Variants in GAB1 observed in about 807,000 individuals in gnomAD.
GAB1 encodes GRB2-associated-binding protein 1.
Under a neutral mutation model 66.5 loss-of-function variants are expected in GAB1, and 19 were observed. That is an observed-to-expected ratio of 0.29 (90% CI 0.20 to 0.42). GAB1 has a LOEUF of 0.42. Ranked by LOEUF, GAB1 falls within the 10% of genes least tolerant of loss-of-function variation. The pLI is 1.00. For synonymous variants in GAB1, 294 were observed against 301.4 expected (o/e 0.98, Z 0.25); for missense variants, 732 against 858.5 (o/e 0.85, Z 1.84).
chr4:143,449,209 A>G (rs1578735303), intron 6 of GAB1, among the ~76,000 whole-genome samples: 2 of 150,808 alleles, frequency 1.3e-5, no homozygotes, highest in African/African-American at 4.9e-5. Flanking sequence ...TTTACTTCCA[A>G]CTATGTGGTC....
intron 2 of GAB1, among the ~76,000 whole-genome samples, chr4:143,416,407 CA>C (rs1175657725): frequency 6.7e-6 from 1 of 149,610 alleles, no homozygotes; most frequent in Non-Finnish European, 1.5e-5. Flanking sequence ...GACTCCGTCT[CA>C]AAAAAAAAGC....
intron 1 of GAB1, among the ~76,000 whole-genome samples, chr4:143,348,155 T>C (rs1729048961): frequency 1.3e-5 from 2 of 152,216 alleles, no homozygotes; most frequent in African/African-American, 2.4e-5. Context: ...TACTAACTTA[T>C]ACACAAACAT....
At chr4:143,453,673 T>G (rs1019323539) in intron 6 of GAB1, among the ~76,000 whole-genome samples, 1 of 152,172 alleles carries the variant, frequency 6.6e-6, no homozygotes, top group Non-Finnish European at 1.5e-5. Flanking sequence ...AGCAACGCAA[T>G]ACAAATACTC....
At chr4:143,426,367 T>C (rs1733357728) in intron 2 of GAB1, among the ~76,000 whole-genome samples, 1 of 152,010 alleles carries the variant, frequency 6.6e-6, no homozygotes, top group Non-Finnish European at 1.5e-5. Context: ...CTGGGCAACA[T>C]GGTGAGACAC....
chr4:143,410,375 G>A (rs763111066), intron 1 of GAB1, among the ~76,000 whole-genome samples: 18 of 152,126 alleles, frequency 1.2e-4, no homozygotes, highest in Non-Finnish European at 2.2e-4. Context: ...TGTTAGTAAC[G>A]TTACAGCCAT....
At chr4:143,437,490 C>T (rs1318053745) in intron 3 of GAB1, among the ~76,000 whole-genome samples, 3 of 152,188 alleles carry the variant, frequency 2.0e-5, no homozygotes, top group Admixed American at 2.0e-4. Context: ...ATGTTACCTT[C>T]TTGTAAGTCA....
At chr4:143,418,047 C>A (rs891500146) in intron 2 of GAB1, among the ~76,000 whole-genome samples, 1 of 152,208 alleles carries the variant, frequency 6.6e-6, no homozygotes, top group Non-Finnish European at 1.5e-5. Flanking sequence ...CAGTCAGCAG[C>A]CCTGGGGAAA....
rs1290205132 is a variant in GAB1 at position 143,443,119 on chromosome 4, C to T, written c.1585+2737C>T. 4.0e-5 allele frequency among the ~76,000 whole-genome samples: 6 copies of T among 151,316 alleles called. No individual in the cohort carries two copies. In the East Asian group the frequency reaches 9.8e-4, roughly 25 times the overall value. ...GCAAGCTCCGCCTCTGGGGTTCACG[C>T]CATTCTCCTGCCTCAGCTTCCCGAG... On this transcript the variant is annotated intron_variant, in intron 6 of 9. Transcript: ENST00000262994.
At chr4:143,400,968 CAA>C (rs774015122) in intron 1 of GAB1, among the ~76,000 whole-genome samples, 24 of 91,210 alleles carry the variant, frequency 2.6e-4, no homozygotes, top group Non-Finnish European at 3.3e-4. Flanking sequence ...GACTCCATCA[CAA>C]AAAAAAAAAA....
intron 2 of GAB1, chr4:143,425,051 A>C (rs1733258677): frequency 1.2e-6 from 1 of 856,146 alleles, no homozygotes; most frequent in African/African-American, 1.7e-5. Context: ...AAACTTTCAC[A>C]ATGTCCAGAG....
chr4:143,425,259 C>A, intron 2 of GAB1: 1 of 966,240 alleles, frequency 1.0e-6, no homozygotes, highest in Non-Finnish European at 1.7e-6. Flanking sequence ...CGTTGAAAAC[C>A]CTGCAGATGT....
chr4:143,415,072 C>A lies in GAB1; in HGVS notation c.73-405C>A, dbSNP rs28925892. 6.3e-3 allele frequency among the ~76,000 whole-genome samples: 962 copies of A among 152,176 alleles called. 12 individuals are homozygous for A. Among genetic ancestry groups the A allele is most frequent in the African/African-American group, 0.021 (853 of 41,534 alleles). ...ACTACCTCATATAAGTGGAATCATA[C>A]AATATTTGTCTTTTTATGACTGGCT... is the stretch of plus-strand genomic sequence containing the variant. On this transcript the variant is annotated intron_variant, in intron 1 of 9. Coordinates refer to ENST00000262994, the MANE Select transcript of GAB1 (RefSeq NM_002039.4).
chr4:143,388,448 T>C (rs913191740), intron 1 of GAB1, among the ~76,000 whole-genome samples: 23 of 152,310 alleles, frequency 1.5e-4, no homozygotes, highest in African/African-American at 5.5e-4. Flanking sequence ...AGAGTCTCGC[T>C]CTGTCGCCCA....
intron 1 of GAB1, among the ~76,000 whole-genome samples, chr4:143,403,365 C>T (rs921084644): frequency 2.0e-5 from 3 of 152,110 alleles, no homozygotes; most frequent in African/African-American, 7.2e-5. Context: ...TATCTATTTC[C>T]TGTTGACCGA....
intron 1 of GAB1, among the ~76,000 whole-genome samples, chr4:143,405,554 A>G (rs1305358734): frequency 6.6e-6 from 1 of 152,244 alleles, no homozygotes; most frequent in Non-Finnish European, 1.5e-5. Flanking sequence ...GAACAGAGAC[A>G]GCATCATTAC....
At position 143,434,324 on chromosome 4, in the gene GAB1, T is replaced by C. The variant is rs575504037; in HGVS notation, c.593+608T>C. 1.7e-4 allele frequency among the ~76,000 whole-genome samples: 26 copies of C among 152,074 alleles called. No individual in the cohort carries two copies. The South Asian group carries it at 5.4e-3, about 32-fold the overall frequency. On this transcript the variant is annotated intron_variant, in intron 3 of 9. Transcript: ENST00000262994. Reference sequence around the variant, plus strand: ...AATTACGAAACTTTTAGTCTTCATATCTAGCAATGAAGCAGAGCTTACCCT... The same window carrying C: ...AATTACGAAACTTTTAGTCTTCATACCTAGCAATGAAGCAGAGCTTACCCT...
chr4:143,346,176 T>C (rs1016053110), intron 1 of GAB1, among the ~76,000 whole-genome samples: 1 of 152,376 alleles, frequency 6.6e-6, no homozygotes, highest in Middle Eastern at 3.4e-3. Context: ...TCCCAATCTT[T>C]ACACACACAT....
chr4:143,342,785 A>G (rs970747422), intron 1 of GAB1, among the ~76,000 whole-genome samples: 1 of 150,944 alleles, frequency 6.6e-6, no homozygotes, highest in Non-Finnish European at 1.5e-5. Flanking sequence ...CTGGTCTCGA[A>G]CTCCTGACCT....
intron 9 of GAB1, among the ~76,000 whole-genome samples, chr4:143,468,270 A>G (rs952024424): frequency 7.8e-6 from 1 of 128,488 alleles, no homozygotes; most frequent in South Asian, 2.4e-4. Context: ...GCTGCAGTGC[A>G]GTGGCACGAT....
Sources: allele counts gnomAD v4.1 joint callset (sites outside exome capture counted in the v4.1 genomes callset), GRCh38; gene constraint gnomAD v4.1.1; transcripts MANE v1.5; gene names NCBI Gene and HGNC (gene_info 2026-07-23, HGNC 2026-07-21).